The following ZNF804A variants were observed in gnomAD, a reference collection of about 807,000 sequenced individuals.
The protein encoded by ZNF804A is zinc finger protein 804A.
In ZNF804A, 2 loss-of-function variants were observed where a neutral mutation model predicts 16.5. The observed-to-expected ratio is 0.12, with a 90% CI of 0.05 to 0.38. The LOEUF (loss-of-function observed/expected upper bound fraction) is 0.38. ZNF804A is among the 10% of genes least tolerant of loss of function. The pLI, the probability that ZNF804A is intolerant of heterozygous loss-of-function variation, is 0.99. For synonymous variants in ZNF804A, 534 were observed against 489.6 expected, an observed-to-expected ratio of 1.09 and a Z score of -1.20; for missense variants, 1,473 against 1,390.7, an observed-to-expected ratio of 1.06 and a Z score of -0.94.
At chr2:184,665,351 C>T (rs2105709005) in intron 1 of ZNF804A, among the ~76,000 whole-genome samples, 1 of 152,292 alleles carries the variant, frequency 6.6e-6, no homozygotes, top group Admixed American at 6.5e-5. Flanking sequence ...AATTATGATA[C>T]TTCTGTGCCT....
intron 1 of ZNF804A, among the ~76,000 whole-genome samples, chr2:184,683,974 C>A (rs188687643): frequency 6.6e-6 from 1 of 152,120 alleles, no homozygotes; most frequent in Non-Finnish European, 1.5e-5. Flanking sequence ...TATTTGGTAA[C>A]CTTTTATTGA....
Position 184,693,929 on chromosome 2 carries a change from C to CTTT in ZNF804A, c.111+94877_111+94879dup, listed in dbSNP as rs34131171. On this transcript the variant is annotated intron_variant, in intron 1 of 3. Transcript: ENST00000302277. The stretch of plus-strand genomic sequence containing the variant: ...AAATCGATGATGCAACTAACTTAGT[C>CTTT]TTTTTTTTTTTTTTTTTTTTGACGG... Among the ~76,000 whole-genome samples, 3 of 121,208 alleles carry CTTT rather than the reference C, an allele frequency of 2.5e-5. 1 individual carries two copies. Among genetic ancestry groups the CTTT allele is most frequent in the African/African-American group, 6.2e-5 (2 of 32,214 alleles). 79.5% of individuals were successfully genotyped at this position (121,208 alleles called of 152,430 possible). A position where few individuals can be genotyped will look rare whatever the true frequency, so the allele number is the denominator to read the frequency against.
At chr2:184,850,006 C>G (rs1405987721) in intron 1 of ZNF804A, among the ~76,000 whole-genome samples, 5 of 151,598 alleles carry the variant, frequency 3.3e-5, no homozygotes, top group Non-Finnish European at 5.9e-5. Flanking sequence ...ATATGTAGAA[C>G]CTAAAAATTA....
intron 2 of ZNF804A, among the ~76,000 whole-genome samples, chr2:184,932,771 A>T (rs549491257): frequency 6.6e-6 from 1 of 152,192 alleles, no homozygotes; most frequent in Non-Finnish European, 1.5e-5. Context: ...GGCACAAGAT[A>T]ACTTTGATGT....
Position 184,798,006 on chromosome 2 carries a change from A to ATGTGTGTGTGTG in ZNF804A, c.112-68326_112-68315dup, listed in dbSNP as rs58199746. On this transcript the variant is annotated intron_variant, in intron 1 of 3. Transcript: ENST00000302277. ...TGTATACAAAATTCATGGCTGATAT[A>ATGTGTGTGTGTG]TGTGTGTGTGTGTGTGTGTGTGTGT... Among the ~76,000 whole-genome samples the ATGTGTGTGTGTG allele has an allele frequency of 2.6e-3, 348 of 133,330 alleles. 1 individual carries two copies. The highest frequency in any genetic ancestry group is 3.5e-3 in the African/African-American group (125 of 35,548). 87.5% of individuals were successfully genotyped at this position (133,330 alleles called of 152,430 possible).
At chr2:184,883,855 G>A (rs549673748) in intron 2 of ZNF804A, among the ~76,000 whole-genome samples, 1 of 152,006 alleles carries the variant, frequency 6.6e-6, no homozygotes, top group Non-Finnish European at 1.5e-5. Context: ...ATACCAAATA[G>A]GCAAATGCTG....
At chr2:184,708,838 C>G (rs1693078369) in intron 1 of ZNF804A, among the ~76,000 whole-genome samples, 1 of 152,058 alleles carries the variant, frequency 6.6e-6, no homozygotes, top group Non-Finnish European at 1.5e-5. Context: ...CTTTAAACAT[C>G]TCAAGGATTT....
intron 2 of ZNF804A, among the ~76,000 whole-genome samples, chr2:184,928,353 G>A (rs1184414762): frequency 1.3e-5 from 2 of 152,080 alleles, no homozygotes; most frequent in East Asian, 3.9e-4. Flanking sequence ...GGTATCTTAA[G>A]ATGCAAGACA....
chr2:184,604,517 C>T (rs1037736342), intron 1 of ZNF804A, among the ~76,000 whole-genome samples: 6 of 152,084 alleles, frequency 3.9e-5, no homozygotes, highest in African/African-American at 1.2e-4. Flanking sequence ...TCAGGGATGA[C>T]CTAGTCTAGA....
chr2:184,674,942 AAAT>A (rs1692397847), intron 1 of ZNF804A, among the ~76,000 whole-genome samples: 1 of 151,840 alleles, frequency 6.6e-6, no homozygotes, highest in South Asian at 2.1e-4. Flanking sequence ...GATGAACATA[AAAT>A]AATGTCAGTG....
intron 1 of ZNF804A, among the ~76,000 whole-genome samples, chr2:184,672,895 C>G (rs1181200555): frequency 6.6e-6 from 1 of 152,116 alleles, no homozygotes; most frequent in Admixed American, 6.6e-5. Flanking sequence ...GCATCCGCCA[C>G]CACGCCCAGC....
chr2:184,867,043 ATAT>A (rs1695887891), intron 2 of ZNF804A, among the ~76,000 whole-genome samples: 1 of 151,850 alleles, frequency 6.6e-6, no homozygotes, highest in Non-Finnish European at 1.5e-5. Context: ...AGTACTTAAT[ATAT>A]CTATGATTTT....
chr2:184,782,481 A>T (rs752448304), intron 1 of ZNF804A, among the ~76,000 whole-genome samples: 8 of 151,502 alleles, frequency 5.3e-5, no homozygotes, highest in Non-Finnish European at 1.0e-4. Context: ...AAAAGACTAG[A>T]CTAGCCTAGC....
chr2:184,721,571 C>T lies in ZNF804A; in HGVS notation c.111+122501C>T, dbSNP rs139716811. 6.4e-3 allele frequency among the ~76,000 whole-genome samples: 965 copies of T among 151,962 alleles called. 10 individuals carry two copies. The highest frequency in any genetic ancestry group is 0.017 in the Middle Eastern group (5 of 294). The stretch of plus-strand genomic sequence containing the variant: ...CCTGTTACTATGGCTGTTATTAAAG[C>T]TACAAAAAAATAACAGGTGCTGGTG... On this transcript the variant is annotated intron_variant, in intron 1 of 3. Transcript: ENST00000302277.
intron 1 of ZNF804A, among the ~76,000 whole-genome samples, chr2:184,704,678 C>T (rs1692994348): frequency 6.6e-6 from 1 of 152,086 alleles, no homozygotes; most frequent in African/African-American, 2.4e-5. Flanking sequence ...AATGGAAAGC[C>T]CAAAGCAAAT....
intron 1 of ZNF804A, among the ~76,000 whole-genome samples, chr2:184,608,707 A>T (rs981401256): frequency 1.2e-4 from 18 of 152,188 alleles, no homozygotes; most frequent in Non-Finnish European, 2.9e-5. Flanking sequence ...CCTTTCTCAG[A>T]TATGACCATG....
intron 2 of ZNF804A, among the ~76,000 whole-genome samples, chr2:184,900,151 C>A (rs1219532718): frequency 2.0e-5 from 3 of 152,100 alleles, no homozygotes; most frequent in African/African-American, 7.2e-5. Context: ...AGCTCTGATT[C>A]TCTGCAAATA....
chr2:184,769,696 A>G (rs1302236702), intron 1 of ZNF804A, among the ~76,000 whole-genome samples: 1 of 152,062 alleles, frequency 6.6e-6, no homozygotes, highest in East Asian at 1.9e-4. Context: ...GTGGCAGAGG[A>G]GAGCAAGGAA....
chr2:184,793,022 G>A (rs563567702), intron 1 of ZNF804A, among the ~76,000 whole-genome samples: 1 of 152,126 alleles, frequency 6.6e-6, no homozygotes, highest in South Asian at 2.1e-4. Context: ...AGAACATGTA[G>A]TATTTGGTTT....
Sources: gnomAD v4.1 joint callset for allele counts (sites outside exome capture counted in the v4.1 genomes callset) on GRCh38, gnomAD v4.1.1 for gene constraint, MANE v1.5 for transcripts, NCBI Gene and HGNC (gene_info 2026-07-23, HGNC 2026-07-21) for gene names.